The following TTC7A variants were observed in gnomAD, a reference collection of about 807,000 sequenced individuals.
TTC7A encodes the protein tetratricopeptide repeat protein 7A.
TTC7A carries 110 observed loss-of-function variants against 103.7 expected under a neutral mutation model. The ratio of observed to expected loss-of-function variants is 1.06; its 90% confidence interval spans 0.91 to 1.24. TTC7A has a LOEUF of 1.24. Ranked by LOEUF, TTC7A falls within the 50% of genes most tolerant of loss-of-function variation. The pLI, the probability that TTC7A is intolerant of heterozygous loss-of-function variation, is 0.00. For missense variants in TTC7A, 1,340 were observed against 1,116.3 expected, an observed-to-expected ratio of 1.20 and a Z score of -2.86; for synonymous variants, 521 against 467.9, an observed-to-expected ratio of 1.11 and a Z score of -1.47.
At chr2:46,965,069 G>A (rs1482795609) in intron 3 of TTC7A, among the ~76,000 whole-genome samples, 1 of 152,194 alleles carries the variant, frequency 6.6e-6, no homozygotes, top group Non-Finnish European at 1.5e-5. Flanking sequence ...TGAAGCTGCT[G>A]TGCAAAGTCA....
At chr2:47,070,908 G>A (rs905134511) in intron 19 of TTC7A, among the ~76,000 whole-genome samples, 5 of 152,190 alleles carry the variant, frequency 3.3e-5, no homozygotes, top group Non-Finnish European at 5.9e-5. Flanking sequence ...CCAAGGGACG[G>A]TCAAAAACTG....
intron 2 of TTC7A, among the ~76,000 whole-genome samples, chr2:46,919,511 C>A (rs189089859): frequency 1.2e-4 from 18 of 152,370 alleles, no homozygotes; most frequent in Admixed American, 2.0e-4. Context: ...TCAGCCTGGG[C>A]AGCAAGAGCT....
In TTC7A at chr2:46,956,902, C is replaced by G. The variant is rs773754673; in HGVS notation, c.412C>G (p.Arg138Gly). The change falls in exon 3 of 20, where the codon CGA (arginine) becomes GGA (glycine). Residue 138 changes from arginine to glycine, a missense_variant. By Grantham distance (125) the Arg-to-Gly change is moderately radical. Coordinates refer to ENST00000319190, the MANE Select transcript of TTC7A (RefSeq NM_020458.4). Reference protein sequence around the residue: ...GKLHYVEGSYRDAISMYARAG... With the variant: ...GKLHYVEGSYGDAISMYARAG... ...ACTGCATTACGTGGAGGGCTCATAC[C>G]GAGATGCCATCAGCATGTACGCACG... The G allele has an allele frequency of 4.3e-6, 7 of 1,614,054 alleles. No homozygotes were observed. The highest frequency in any genetic ancestry group is 1.7e-5 in the Admixed American group (1 of 60,002).
intron 11 of TTC7A, among the ~76,000 whole-genome samples, chr2:47,013,474 A>G (rs1678295032): frequency 6.6e-6 from 1 of 152,124 alleles, no homozygotes; most frequent in Non-Finnish European, 1.5e-5. Flanking sequence ...AGGGGCCTCA[A>G]GCTCATCTCT....
chr2:47,019,422 A>T (rs576926018), intron 11 of TTC7A, among the ~76,000 whole-genome samples: 1 of 152,256 alleles, frequency 6.6e-6, no homozygotes, highest in Non-Finnish European at 1.5e-5. Flanking sequence ...TTGGCCATAT[A>T]GGGAGATGGT....
At chr2:46,929,608 T>TTA (rs751150433) in intron 2 of TTC7A, among the ~76,000 whole-genome samples, 2 of 152,224 alleles carry the variant, frequency 1.3e-5, no homozygotes, top group Non-Finnish European at 2.9e-5. Context: ...TGTGTATCAG[T>TTA]GCTTATAGCT....
In TTC7A at chr2:46,941,759, G is replaced by T; in HGVS notation, c.184+34G>T. The T allele has an allele frequency of 1.3e-6, 2 of 1,546,864 alleles. No homozygotes were observed. The highest frequency in any genetic ancestry group is 2.4e-5 in the South Asian group (2 of 83,834). On this transcript the variant is annotated intron_variant, in intron 1 of 19. Coordinates refer to ENST00000319190, the MANE Select transcript of TTC7A (RefSeq NM_020458.4). This position sits in a 1 kb window ranked among gnomAD's most constrained non-coding sequence, Gnocchi z 4.2. ...GGGAAGAGGCTGGCTCGCCGGCAGCGAGCGCGCGAAACGCACCGCCTCCTC... is the reference window on the plus strand; with the variant it reads ...GGGAAGAGGCTGGCTCGCCGGCAGCTAGCGCGCGAAACGCACCGCCTCCTC...
intron 18 of TTC7A, among the ~76,000 whole-genome samples, chr2:47,054,702 G>A (rs767331607): frequency 2.0e-5 from 3 of 152,082 alleles, no homozygotes; most frequent in Admixed American, 6.6e-5. Context: ...GGGCATGGTG[G>A]TGCATGCCTG....
intron 2 of TTC7A, among the ~76,000 whole-genome samples, chr2:46,929,607 G>GAAA (rs763708303): frequency 1.3e-5 from 2 of 152,208 alleles, no homozygotes; most frequent in Non-Finnish European, 2.9e-5. Context: ...CTGTGTATCA[G>GAAA]TGCTTATAGC....
intron 18 of TTC7A, among the ~76,000 whole-genome samples, chr2:47,056,252 C>CT (rs1385393930): frequency 6.6e-6 from 1 of 152,258 alleles, no homozygotes; most frequent in African/African-American, 2.4e-5. Context: ...TTTATATGCT[C>CT]TGAGTGTCTG....
chr2:47,071,383 C>T (rs1272746823), intron 19 of TTC7A, among the ~76,000 whole-genome samples: 1 of 152,170 alleles, frequency 6.6e-6, no homozygotes, highest in Admixed American at 6.5e-5. Context: ...CACAGAGAGC[C>T]ATGCCCTCTC....
chr2:46,979,369 T>C (rs1674206850), intron 5 of TTC7A, among the ~76,000 whole-genome samples: 1 of 151,420 alleles, frequency 6.6e-6, no homozygotes, highest in African/African-American at 2.4e-5. Flanking sequence ...TTTTAAGGAG[T>C]GGTGAAGGAC....
chr2:46,920,973 T>TAA (rs34487440), intron 2 of TTC7A, among the ~76,000 whole-genome samples: 59 of 139,206 alleles, frequency 4.2e-4, no homozygotes, highest in African/African-American at 1.2e-3. Flanking sequence ...CTATTCATGA[T>TAA]AAAAAAAAAA....
chr2:46,992,472 T>G (rs544401370), intron 5 of TTC7A, among the ~76,000 whole-genome samples: 1 of 152,306 alleles, frequency 6.6e-6, no homozygotes, highest in East Asian at 1.9e-4. Flanking sequence ...AAGAAGCCAG[T>G]GCCGAGACTT....
At chr2:47,073,415 T>C (rs1684941064) in intron 19 of TTC7A, among the ~76,000 whole-genome samples, 1 of 152,134 alleles carries the variant, frequency 6.6e-6, no homozygotes, top group South Asian at 2.1e-4. Flanking sequence ...CCAAACAGTG[T>C]GACACAGCCA....
At chr2:46,963,087 C>T (rs561696416) in intron 3 of TTC7A, among the ~76,000 whole-genome samples, 6 of 152,356 alleles carry the variant, frequency 3.9e-5, no homozygotes, top group African/African-American at 1.4e-4. Flanking sequence ...GGCTCTCTCG[C>T]AGTGCAGTGA....
chr2:46,934,127 A>G (rs1572655489), intron 2 of TTC7A, among the ~76,000 whole-genome samples: 1 of 152,206 alleles, frequency 6.6e-6, no homozygotes, highest in African/African-American at 2.4e-5. Context: ...AACAGAAACC[A>G]TCTACACCTA....
chr2:46,952,176 C>T (rs1417089163), intron 2 of TTC7A, among the ~76,000 whole-genome samples: 2 of 151,954 alleles, frequency 1.3e-5, no homozygotes, highest in Non-Finnish European at 2.9e-5. Context: ...TTTTAGGCTC[C>T]TTGACAGGTA....
At chr2:47,004,097 C>G (rs1677126458) in intron 8 of TTC7A, among the ~76,000 whole-genome samples, 1 of 152,218 alleles carries the variant, frequency 6.6e-6, no homozygotes, top group Admixed American at 6.5e-5. Context: ...GGCTCCTGTT[C>G]CACAGGCTGA....
Sources: allele counts gnomAD v4.1 joint callset (sites outside exome capture counted in the v4.1 genomes callset), GRCh38; gene constraint gnomAD v4.1.1; non-coding constraint Gnocchi (gnomAD v3.1); transcripts MANE v1.5; gene names NCBI Gene and HGNC (gene_info 2026-07-23, HGNC 2026-07-21).